ROBO1: variants seen among roughly 807,000 people sequenced by gnomAD.
The protein encoded by ROBO1 is roundabout guidance receptor 1.
ROBO1 carries 149 observed loss-of-function variants against 195.9 expected under a neutral mutation model. That is an observed-to-expected ratio of 0.76 (90% CI 0.67 to 0.87). The LOEUF is 0.87. Among genes scored for constraint, ROBO1 ranks in the 40% least tolerant of loss-of-function variants. The pLI, the probability that ROBO1 is intolerant of heterozygous loss-of-function variation, is 0.00. For synonymous variants in ROBO1, 816 were observed against 733.2 expected, an observed-to-expected ratio of 1.11 and a Z score of -1.82; for missense variants, 1,933 against 2,068.3, an observed-to-expected ratio of 0.93 and a Z score of 1.27.
intron 2 of ROBO1, among the ~76,000 whole-genome samples, chr3:79,229,997 A>C (rs1194944579): frequency 6.6e-6 from 1 of 152,134 alleles, no homozygotes; most frequent in Non-Finnish European, 1.5e-5. Context: ...TCTTCCAATC[A>C]GCGTTCTGTG....
intron 29 of ROBO1, among the ~76,000 whole-genome samples, chr3:78,603,401 G>A (rs1703288774): frequency 6.6e-6 from 1 of 151,976 alleles, no homozygotes; most frequent in Admixed American, 6.6e-5. Flanking sequence ...AAGTATCATG[G>A]CACTATGAAG....
At chr3:78,841,735 ACATAG>A (rs2033219252) in intron 4 of ROBO1, among the ~76,000 whole-genome samples, 1 of 152,210 alleles carries the variant, frequency 6.6e-6, no homozygotes. Flanking sequence ...AATTCCTATG[ACATAG>A]CCAATTTCCC....
In ROBO1 at chr3:79,068,818, C is replaced by T. The variant is rs144900701; in HGVS notation, c.172+56638G>A. 7.5e-3 allele frequency among the ~76,000 whole-genome samples: 1,146 copies of T among 151,932 alleles called. 22 individuals are homozygous for T. Among genetic ancestry groups the T allele is most frequent in the African/African-American group, 0.026 (1,097 of 41,490 alleles). ...TATTATTCTGAAATGACCAATTTCC[C>T]TACTTATCTAATCCAATGAAATGGA... On this transcript the variant is annotated intron_variant, in intron 3 of 30. Transcript: ENST00000464233.
chr3:79,622,892 A>T (rs1287919949), intron 1 of ROBO1, among the ~76,000 whole-genome samples: 1 of 152,164 alleles, frequency 6.6e-6, no homozygotes, highest in East Asian at 1.9e-4. Context: ...ATTCAGACAC[A>T]TCCTATACAG....
chr3:78,951,026 A>C (rs1021013715), intron 3 of ROBO1, among the ~76,000 whole-genome samples: 1 of 151,646 alleles, frequency 6.6e-6, no homozygotes, highest in African/African-American at 2.4e-5. Flanking sequence ...ATCATAAATA[A>C]TATATATAAA....
intron 1 of ROBO1, among the ~76,000 whole-genome samples, chr3:79,728,949 T>A (rs1056140032): frequency 2.6e-5 from 4 of 152,302 alleles, no homozygotes; most frequent in East Asian, 1.9e-4. Flanking sequence ...GAAATTTTTT[T>A]AAATTGGGTA....
intron 4 of ROBO1, among the ~76,000 whole-genome samples, chr3:78,912,761 G>C (rs2038323669): frequency 6.6e-6 from 1 of 151,996 alleles, no homozygotes; most frequent in African/African-American, 2.4e-5. Context: ...TAAAACCTAG[G>C]TTACCCTTTT....
At chr3:79,632,137 C>G (rs1367042447) in intron 1 of ROBO1, among the ~76,000 whole-genome samples, 1 of 151,990 alleles carries the variant, frequency 6.6e-6, no homozygotes, top group Non-Finnish European at 1.5e-5. Flanking sequence ...GAGTATCTAC[C>G]CAAAGGTAAA....
intron 4 of ROBO1, among the ~76,000 whole-genome samples, chr3:78,860,326 A>ATATATATATATATTTTT (rs376853384): frequency 3.8e-4 from 36 of 93,512 alleles, no homozygotes; most frequent in African/African-American, 1.5e-3. Context: ...ATATATATAT[A>ATATATATATATATTTTT]TTTTTTTTTT....
intron 2 of ROBO1, among the ~76,000 whole-genome samples, chr3:79,556,925 T>G (rs2107693157): frequency 6.6e-6 from 1 of 151,300 alleles, no homozygotes; most frequent in African/African-American, 2.4e-5. Flanking sequence ...AATTTTTTAC[T>G]TTATTTTTAT....
chr3:78,816,950 A>G (rs1180263400), intron 4 of ROBO1, among the ~76,000 whole-genome samples: 2 of 151,732 alleles, frequency 1.3e-5, no homozygotes, highest in Non-Finnish European at 2.9e-5. Context: ...TGACCTGCGC[A>G]GTGTGCACAT....
intron 2 of ROBO1, among the ~76,000 whole-genome samples, chr3:79,269,326 G>A (rs1402140383): frequency 6.6e-6 from 1 of 151,730 alleles, no homozygotes; most frequent in East Asian, 1.9e-4. Flanking sequence ...GACTTTCTCA[G>A]AGTAAGTGTC....
Position 79,059,997 on chromosome 3 carries a change from G to C in ROBO1, c.172+65459C>G, listed in dbSNP as rs1212765676. Among the ~76,000 whole-genome samples the C allele has an allele frequency of 2.6e-5, 4 of 152,084 alleles. No individual in the cohort carries two copies. In the South Asian group the frequency reaches 8.3e-4, roughly 32 times the overall value. ...TGCAAAAGTGAATAGGAGAAATATC[G>C]CTGAATTATTTTCCTCAGCAAGGAG... On this transcript the variant is annotated intron_variant, in intron 3 of 30. Coordinates refer to ENST00000464233, the MANE Select transcript of ROBO1 (RefSeq NM_002941.4).
intron 1 of ROBO1, among the ~76,000 whole-genome samples, chr3:79,765,138 C>T (rs1024481703): frequency 2.6e-5 from 4 of 152,232 alleles, no homozygotes; most frequent in Non-Finnish European, 5.9e-5. Context: ...CAGGGATCTG[C>T]AGCTGTGTCA....
chr3:78,693,277 G>A (rs2081215753), intron 8 of ROBO1: 1 of 1,542,504 alleles, frequency 6.5e-7, no homozygotes, highest in African/African-American at 1.4e-5. Context: ...GGGTATGGAT[G>A]GAAAGGGGAA....
chr3:78,770,509 A>G (rs1036247820), intron 4 of ROBO1, among the ~76,000 whole-genome samples: 2 of 152,180 alleles, frequency 1.3e-5, no homozygotes, highest in East Asian at 3.9e-4. Flanking sequence ...TAAGCTCCTT[A>G]TAGATTCTGA....
chr3:79,346,595 A>T (rs1240068353), intron 2 of ROBO1, among the ~76,000 whole-genome samples: 1 of 152,106 alleles, frequency 6.6e-6, no homozygotes, highest in Non-Finnish European at 1.5e-5. Context: ...ATTTCTAGGA[A>T]TTAATTTTTT....
intron 2 of ROBO1, among the ~76,000 whole-genome samples, chr3:79,521,171 TC>T (rs1398386841): frequency 6.6e-6 from 1 of 152,200 alleles, no homozygotes; most frequent in East Asian, 1.9e-4. Flanking sequence ...TATACTGGTT[TC>T]CTGTCTTTAA....
intron 4 of ROBO1, among the ~76,000 whole-genome samples, chr3:78,898,653 T>C (rs1002815251): frequency 1.3e-5 from 2 of 151,912 alleles, no homozygotes; most frequent in African/African-American, 2.4e-5. Context: ...CCTCCCAAAG[T>C]GCTGGGATTA....
Sources: allele counts gnomAD v4.1 joint callset (sites outside exome capture counted in the v4.1 genomes callset), GRCh38; gene constraint gnomAD v4.1.1; transcripts MANE v1.5; gene names NCBI Gene and HGNC (gene_info 2026-07-23, HGNC 2026-07-21).